The following TM7SF2 variants were observed in gnomAD, a reference collection of about 807,000 sequenced individuals.
The protein encoded by TM7SF2 is delta(14)-sterol reductase TM7SF2.
A neutral mutation model predicts 51.0 loss-of-function variants in TM7SF2; 51 were observed. That is an observed-to-expected ratio of 1.00 (90% confidence interval 0.80 to 1.26). The LOEUF (loss-of-function observed/expected upper bound fraction) is 1.26. Among genes scored for constraint, TM7SF2 ranks in the 50% most tolerant of loss-of-function variants. The probability of loss-of-function intolerance (pLI) is 0.00; values close to 1 mark genes in which losing one functional copy is unlikely to be tolerated. For synonymous variants in TM7SF2, 255 were observed against 241.0 expected (o/e 1.06, Z -0.54); for missense variants, 541 against 547.4 (o/e 0.99, Z 0.12).
chr11:65,113,634 A>G (rs566415233), intron 5 of TM7SF2, 40 bp downstream of exon 5: 7 of 1,118,070 alleles, frequency 6.3e-6, no homozygotes, highest in Non-Finnish European at 7.8e-6. Context: ...GGCCAGGGGG[A>G]GGGTTAGGGT....
Position 65,112,045 on chromosome 11 carries a change from G to A in TM7SF2, c.30G>A (p.Pro10=). 1 of 1,595,580 alleles carries A rather than the reference G, an allele frequency of 6.3e-7. No homozygotes were observed. The highest frequency in any genetic ancestry group is 1.8e-5 in the Admixed American group (1 of 55,760). MAPTQGPRA[P]LEFGGPLGAA... is the part of the protein sequence containing the mutation. The stretch of plus-strand genomic sequence containing the variant: ...CCCCCACTCAGGGCCCCCGGGCCCC[G>A]CTGGAATTCGGAGGGCCCCTGGGTA... The change falls in exon 1 of 10, where the codon CCG becomes CCA. Residue 10 remains proline, a synonymous_variant. Transcript: ENST00000279263.
Position 65,116,184 on chromosome 11 carries a change from G to C in TM7SF2, c.*131G>C, listed in dbSNP as rs755709882. On this transcript the variant is annotated 3_prime_UTR_variant, in exon 10 of 10. Coordinates refer to ENST00000279263, the MANE Select transcript of TM7SF2 (RefSeq NM_003273.6). ...AGCCCTGAGGATGAACAACCTCAGA[G>C]AAGAGGTGGTTTAGAGCAAGGAAAA... 17 of 1,292,708 alleles carry C rather than the reference G, an allele frequency of 1.3e-5. No homozygotes were observed. Among genetic ancestry groups the C allele is most frequent in the Middle Eastern group, 2.7e-4 (1 of 3,670 alleles). 80.1% of individuals were successfully genotyped at this position (1,292,708 alleles called of 1,614,324 possible).
At chr11:65,112,244 G>C (rs961696101) in intron 1 of TM7SF2, 177 bp downstream of exon 1, 1 of 703,480 alleles carries the variant, frequency 1.4e-6, no homozygotes, top group Non-Finnish European at 2.3e-6. Flanking sequence ...GGAGGGGCCG[G>C]TTCTGGGGGC....
Position 65,114,701 on chromosome 11 carries a change from C to T in TM7SF2, c.604-12C>T, listed in dbSNP as rs755527266. The T allele has an allele frequency of 6.8e-6, 11 of 1,613,020 alleles. No individual in the cohort carries two copies. Among genetic ancestry groups the T allele is most frequent in the Non-Finnish European group, 9.3e-6 (11 of 1,179,516 alleles). On this transcript the variant is annotated splice_polypyrimidine_tract_variant and intron_variant, in intron 5 of 9. Transcript: ENST00000279263. ...CTTCTGTGGAGACTATTGCCTTGTT[C>T]CCTCTCCCCAGGTCCTCATCAACCT...
Position 65,113,251 on chromosome 11 carries a change from G to A in TM7SF2, c.336G>A (p.Leu112=), listed in dbSNP as rs757533597. ...GFQALVLTAL[L]VGLGMSAGLP... ...AGGCCCTGGTGCTGACAGCCCTGTT[G>A]GTGGGGCTGGGGATGTCAGCGGGGC... The change falls in exon 4 of 10, where the codon TTG becomes TTA. Residue 112 remains leucine (L), a synonymous_variant. Coordinates refer to ENST00000279263, the MANE Select transcript of TM7SF2 (RefSeq NM_003273.6). 4 of 1,605,460 alleles carry A rather than the reference G, an allele frequency of 2.5e-6. No individual in the cohort carries two copies.
chr11:65,115,625 G>A (rs774555111), intron 9 of TM7SF2, 27 bp downstream of exon 9: 2 of 1,612,680 alleles, frequency 1.2e-6, no homozygotes, highest in Admixed American at 1.7e-5. Flanking sequence ...GATATGGGTA[G>A]GGACATGTGA....
Position 65,116,047 on chromosome 11 carries a change from CT to C in TM7SF2, c.1252del (p.Tyr418ThrfsTer50). ...RVPYRIMPYI[Y>X] Reference sequence around the variant, plus strand: ...TGCCTTACCGCATCATGCCCTACATCTACTGAAGCGGCTCCACCACCCCAGG... The same window carrying C: ...TGCCTTACCGCATCATGCCCTACATCACTGAAGCGGCTCCACCACCCCAGG... On this transcript the variant is annotated frameshift_variant, in exon 10 of 10. Transcript: ENST00000279263. LOFTEE classifies it high-confidence loss of function. 2 of 1,605,226 alleles carry C rather than the reference CT, an allele frequency of 1.2e-6. No homozygotes were observed. Among genetic ancestry groups the C allele is most frequent in the Non-Finnish European group, 1.7e-6 (2 of 1,178,234 alleles).
rs1947911014 is a variant in TM7SF2 at position 65,112,019 on chromosome 11, G to C, written c.4G>C (p.Ala2Pro). The change falls in exon 1 of 10, where the codon GCC becomes CCC. Residue 2 changes from alanine (A) to proline (P), a missense_variant. By Grantham distance (27) the Ala-to-Pro change is conservative. Transcript: ENST00000279263. M[A>P]PTQGPRAPLE... ...TCTCTCCGGCGGAGCGGAGACCATG[G>C]CCCCCACTCAGGGCCCCCGGGCCCC... is the stretch of plus-strand genomic sequence containing the variant. The C allele has an allele frequency of 3.2e-6, 5 of 1,587,230 alleles. No individual in the cohort carries two copies. The highest frequency in any genetic ancestry group is 2.6e-6 in the Non-Finnish European group (3 of 1,168,048).
Position 65,115,933 on chromosome 11 carries a change from C to T in TM7SF2, c.1137C>T (p.Phe379=). 6.2e-7 allele frequency: 1 copy of T among 1,614,060 alleles called. No homozygotes were observed. The highest frequency in any genetic ancestry group is 8.5e-7 in the Non-Finnish European group (1 of 1,180,016). The change falls in exon 10 of 10, where the codon TTC becomes TTT. Residue 379 remains phenylalanine, a synonymous_variant. Transcript: ENST00000279263. ...TGCCCTACTTCTACCTCCTCTACTT[C>T]ACCGCGCTGCTGGTGCACCGTGAGG... ...HLLPYFYLLY[F]TALLVHREAR...
At chr11:65,113,678 AC>A in intron 5 of TM7SF2, 84 bp downstream of exon 5, 2 of 1,179,322 alleles carry the variant, frequency 1.7e-6, no homozygotes, top group South Asian at 2.4e-5. Context: ...CAGGGCCAAA[AC>A]TGTGCAGATG....
In TM7SF2 at chr11:65,115,311, C is replaced by A. The variant is rs1408265646; in HGVS notation, c.893-3C>A. 1 of 1,613,928 alleles carries A rather than the reference C, an allele frequency of 6.2e-7. No homozygotes were observed. Among genetic ancestry groups the A allele is most frequent in the South Asian group, 1.1e-5 (1 of 91,078 alleles). The stretch of plus-strand genomic sequence containing the variant: ...TGACCACCGGTTCACACTCTCTCAC[C>A]AGCTACTGGTTACTACATCTTCCGT... On this transcript the variant is annotated splice_polypyrimidine_tract_variant and splice_region_variant and intron_variant, in intron 7 of 9. Transcript: ENST00000279263.
chr11:65,114,068 G>A (rs1467105600), intron 5 of TM7SF2, among the ~76,000 whole-genome samples: 2 of 152,124 alleles, frequency 1.3e-5, no homozygotes. Context: ...GAAACTCTTG[G>A]GCAAGGCCTC....
chr11:65,115,772 C>G (rs1304682796), intron 9 of TM7SF2, 121 bp from the exon 10 acceptor site: 6 of 1,575,344 alleles, frequency 3.8e-6, no homozygotes, highest in Non-Finnish European at 5.2e-6. Flanking sequence ...TGCTTTGCTG[C>G]AGACCCTGGC....
chr11:65,113,147 G>A (rs1158690436), intron 3 of TM7SF2, 73 bp from the exon 4 acceptor site: 10 of 1,443,578 alleles, frequency 6.9e-6, no homozygotes, highest in Non-Finnish European at 9.2e-6. Flanking sequence ...CTGAGTTTTG[G>A]GCTCTGCGTG....
intron 7 of TM7SF2, 100 bp downstream of exon 7, chr11:65,115,181 G>T: frequency 6.3e-7 from 1 of 1,593,538 alleles, no homozygotes; most frequent in East Asian, 2.2e-5. Flanking sequence ...AACCCCCAGG[G>T]TTCTCTAAAG....
At position 65,111,953 on chromosome 11, in the gene TM7SF2, G is replaced by A. The variant is rs1027144390; in HGVS notation, c.-63G>A. ...GCCGAGTCCATCTCCTGGGAAATGG[G>A]GCGGACAGTGTTTCCTTGACTGACT... On this transcript the variant is annotated 5_prime_UTR_variant, in exon 1 of 10. Coordinates refer to ENST00000279263, the MANE Select transcript of TM7SF2 (RefSeq NM_003273.6). 1 of 1,523,556 alleles carries A rather than the reference G, an allele frequency of 6.6e-7. No homozygotes were observed. The highest frequency in any genetic ancestry group is 2.0e-5 in the Admixed American group (1 of 51,034). The allele number at this position is 1,523,556 out of a possible 1,614,324, so 94.4% of individuals were successfully genotyped here. A position where few individuals can be genotyped will look rare whatever the true frequency, so the allele number is the denominator to read the frequency against.
intron 3 of TM7SF2, 102 bp from the exon 4 acceptor site, chr11:65,113,118 G>C (rs1174520736): frequency 7.7e-7 from 1 of 1,303,622 alleles, no homozygotes; most frequent in Non-Finnish European, 1.0e-6. Context: ...TAATGCTTGG[G>C]GCAGGGTCTG....
rs1256121555 is a variant in TM7SF2 at position 65,114,896 on chromosome 11, G to A, written c.724-17G>A. On this transcript the variant is annotated splice_polypyrimidine_tract_variant and intron_variant, in intron 6 of 9. Coordinates refer to ENST00000279263, the MANE Select transcript of TM7SF2 (RefSeq NM_003273.6). The stretch of plus-strand genomic sequence containing the variant: ...GCATAGGGACTAAGCCAGTGTGTCT[G>A]GGTCTTGTCCCTGCAGGAGGCCGTC... The A allele has an allele frequency of 6.2e-7, 1 of 1,614,084 alleles. No homozygotes were observed. Among genetic ancestry groups the A allele is most frequent in the African/African-American group, 1.3e-5 (1 of 74,950 alleles).
At position 65,115,985 on chromosome 11, in the gene TM7SF2, A is replaced by C. The variant is rs1263401967; in HGVS notation, c.1189A>C (p.Lys397Gln). 6.2e-7 allele frequency: 1 copy of C among 1,613,376 alleles called. No homozygotes were observed. Among genetic ancestry groups the C allele is most frequent in the African/African-American group, 1.3e-5 (1 of 74,918 alleles). ...EARDERQCLQ[K>Q]YGLAWQEYCR... ...CCGGGATGAGCGGCAGTGCCTGCAG[A>C]AGTACGGCCTGGCCTGGCAGGAGTA... is the stretch of plus-strand genomic sequence containing the variant. The change falls in exon 10 of 10, where the codon AAG becomes CAG. Residue 397 changes from lysine (K) to glutamine (Q), a missense_variant. Coordinates refer to ENST00000279263, the MANE Select transcript of TM7SF2 (RefSeq NM_003273.6).
Sources: allele counts gnomAD v4.1 joint callset (sites outside exome capture counted in the v4.1 genomes callset), GRCh38; gene constraint gnomAD v4.1.1; transcripts MANE v1.5; gene names NCBI Gene and HGNC (gene_info 2026-07-23, HGNC 2026-07-21).